CHSY1: variants seen among roughly 807,000 people sequenced by gnomAD.
CHSY1 encodes the protein chondroitin sulfate synthase 1, also known as N-acetylgalactosaminyl-proteoglycan 3-beta-glucuronosyltransferase 1.
Under a neutral mutation model 59.8 loss-of-function variants are expected in CHSY1, and 13 were observed. The ratio of observed to expected loss-of-function variants is 0.22; its 90% CI spans 0.14 to 0.35. The LOEUF is 0.35. CHSY1 is among the 10% of genes least tolerant of loss of function. The probability of loss-of-function intolerance (pLI) is 1.00; values close to 1 mark genes in which losing one functional copy is unlikely to be tolerated. For missense variants in CHSY1, 947 were observed against 1,030.6 expected, an observed-to-expected ratio of 0.92 and a Z score of 1.11; for synonymous variants, 459 against 401.2, an observed-to-expected ratio of 1.14 and a Z score of -1.72.
At chr15:101,194,175 TAG>T (rs2038480467) in intron 2 of CHSY1, among the ~76,000 whole-genome samples, 1 of 152,246 alleles carries the variant, frequency 6.6e-6, no homozygotes, top group South Asian at 2.1e-4. Flanking sequence ...CTAGTGACAG[TAG>T]AGTTAAGTAA....
intron 2 of CHSY1, among the ~76,000 whole-genome samples, chr15:101,199,106 C>T (rs1379463527): frequency 6.6e-6 from 1 of 152,236 alleles, no homozygotes; most frequent in Non-Finnish European, 1.5e-5. Context: ...ACATGCCTGA[C>T]CTGTGCCCTG....
chr15:101,226,850 A>G (rs1158636541), intron 2 of CHSY1, among the ~76,000 whole-genome samples: 3 of 152,234 alleles, frequency 2.0e-5, no homozygotes, highest in Non-Finnish European at 4.4e-5. Context: ...CTGACTTCTT[A>G]AACAGAGTAT....
chr15:101,176,156 A>T lies in CHSY1; in HGVS notation c.*1232T>A, dbSNP rs1328295452. 1 of 397,934 alleles carries T rather than the reference A, an allele frequency of 2.5e-6. No homozygotes were observed. The highest frequency in any genetic ancestry group is 4.4e-6 in the Non-Finnish European group (1 of 225,886). 24.7% of individuals were successfully genotyped at this position (397,934 alleles called of 1,614,324 possible). Reference sequence around the variant, plus strand: ...ACTGCAAATAAAACAGACTAAACACACTCCCGATACACATAAATAATACTA... The same window carrying T: ...ACTGCAAATAAAACAGACTAAACACTCTCCCGATACACATAAATAATACTA... On this transcript the variant is annotated 3_prime_UTR_variant, in exon 3 of 3. Coordinates refer to ENST00000254190, the MANE Select transcript of CHSY1 (RefSeq NM_014918.5).
At position 101,208,006 on chromosome 15, in the gene CHSY1, G is replaced by A. The variant is rs558212616; in HGVS notation, c.816+27076C>T. On this transcript the variant is annotated intron_variant, in intron 2 of 2. Transcript: ENST00000254190. ...CCGGGAAGGAGGCATTGCAACAGAGGATTGCTCACTTACAGCGGAAACTGA... is the reference window on the plus strand; with the variant it reads ...CCGGGAAGGAGGCATTGCAACAGAGAATTGCTCACTTACAGCGGAAACTGA... Among the ~76,000 whole-genome samples the A allele has an allele frequency of 2.0e-5, 3 of 152,354 alleles. No individual in the cohort carries two copies. The South Asian group carries it at 6.2e-4, about 32-fold the overall frequency.
At chr15:101,225,128 G>A (rs1002626470) in intron 2 of CHSY1, among the ~76,000 whole-genome samples, 6 of 152,172 alleles carry the variant, frequency 3.9e-5, no homozygotes, top group African/African-American at 1.4e-4. Flanking sequence ...GTGTGCAGTG[G>A]CACAGTCACA....
At chr15:101,239,140 T>C (rs767673650) in intron 1 of CHSY1, among the ~76,000 whole-genome samples, 1 of 152,218 alleles carries the variant, frequency 6.6e-6, no homozygotes, top group Non-Finnish European at 1.5e-5. Flanking sequence ...TCGCAACAAT[T>C]CTTTGAAAAT....
chr15:101,230,838 TCTC>T (rs2038886128), intron 2 of CHSY1, among the ~76,000 whole-genome samples: 1 of 152,202 alleles, frequency 6.6e-6, no homozygotes, highest in African/African-American at 2.4e-5. Context: ...ATGGTCTTTG[TCTC>T]CTCAACTACT....
intron 2 of CHSY1, among the ~76,000 whole-genome samples, chr15:101,179,285 T>C (rs1181074417): frequency 6.6e-6 from 1 of 152,142 alleles, no homozygotes; most frequent in African/African-American, 2.4e-5. Context: ...CACAGGAGCA[T>C]GCCTGAAAGA....
chr15:101,197,271 C>G (rs1335169669), intron 2 of CHSY1, among the ~76,000 whole-genome samples: 1 of 152,206 alleles, frequency 6.6e-6, no homozygotes, highest in African/African-American at 2.4e-5. Context: ...ATATATTTGA[C>G]TGGAAGCCCA....
intron 2 of CHSY1, among the ~76,000 whole-genome samples, chr15:101,233,943 T>A (rs946548849): frequency 1.4e-4 from 21 of 152,368 alleles, no homozygotes; most frequent in African/African-American, 4.8e-4. Context: ...GTATTCTTTT[T>A]CTTGGGCAAA....
intron 2 of CHSY1, among the ~76,000 whole-genome samples, chr15:101,179,735 G>A (rs994455407): frequency 2.6e-5 from 4 of 152,242 alleles, no homozygotes; most frequent in Middle Eastern, 6.3e-3. Flanking sequence ...AATGCTGGCA[G>A]ATGGGAAACA....
chr15:101,234,299 C>T (rs79514512), intron 2 of CHSY1, among the ~76,000 whole-genome samples: 4,462 of 152,290 alleles, frequency 0.029, 299 homozygotes, highest in East Asian at 0.19. Context: ...AAGTCAAATG[C>T]TATTGGCTTT....
chr15:101,245,538 G>T (rs772863260), intron 1 of CHSY1, among the ~76,000 whole-genome samples: 3 of 152,170 alleles, frequency 2.0e-5, no homozygotes, highest in African/African-American at 7.2e-5. Context: ...AGAGACTAGG[G>T]CCCTGTATTT....
At chr15:101,241,588 A>G (rs2039001831) in intron 1 of CHSY1, among the ~76,000 whole-genome samples, 2 of 152,258 alleles carry the variant, frequency 1.3e-5, no homozygotes, top group South Asian at 4.1e-4. Flanking sequence ...AAAATGGAGT[A>G]AGATTGAGTC....
chr15:101,205,753 C>T (rs2038618090), intron 2 of CHSY1, among the ~76,000 whole-genome samples: 1 of 152,056 alleles, frequency 6.6e-6, no homozygotes, highest in Non-Finnish European at 1.5e-5. Flanking sequence ...AGATCGAGAC[C>T]ATCCTGGATA....
intron 2 of CHSY1, among the ~76,000 whole-genome samples, chr15:101,194,416 A>T (rs570765326): frequency 6.6e-6 from 1 of 152,350 alleles, no homozygotes; most frequent in East Asian, 1.9e-4. Flanking sequence ...GCAGCATTTT[A>T]AAGTATTTCA....
chr15:101,187,162 T>TAAAG (rs1174858456), intron 2 of CHSY1, among the ~76,000 whole-genome samples: 3 of 152,186 alleles, frequency 2.0e-5, no homozygotes, highest in African/African-American at 7.2e-5. Context: ...ACTCCAGGAA[T>TAAAG]AAAGTAATGA....
chr15:101,189,144 G>A (rs925271952), intron 2 of CHSY1, among the ~76,000 whole-genome samples: 5 of 152,204 alleles, frequency 3.3e-5, no homozygotes. Flanking sequence ...AGATCGAGCC[G>A]GCGAGCGTGG....
intron 2 of CHSY1, among the ~76,000 whole-genome samples, chr15:101,197,650 T>C (rs776707166): frequency 1.3e-5 from 2 of 152,234 alleles, no homozygotes; most frequent in Admixed American, 6.5e-5. Context: ...AAATTCCTTA[T>C]ATAATGTAAA....
Sources: gnomAD v4.1 joint callset for allele counts (sites outside exome capture counted in the v4.1 genomes callset) on GRCh38, gnomAD v4.1.1 for gene constraint, MANE v1.5 for transcripts, NCBI Gene and HGNC (gene_info 2026-07-23, HGNC 2026-07-21) for gene names.